ARB2A: variants seen among roughly 807,000 people sequenced by gnomAD.
ARB2A encodes the protein ARB2 cotranscriptional regulator A.
chr5:94,068,128 T>C, the ARB2A span, among the ~76,000 whole-genome samples: 1 of 152,166 alleles, frequency 6.6e-6, no homozygotes, highest in African/African-American at 2.4e-5. Context: ...AGCCTTTTGT[T>C]CTCTGACCTG....
chr5:93,967,485 C>T, the ARB2A span, among the ~76,000 whole-genome samples: 1 of 152,066 alleles, frequency 6.6e-6, no homozygotes, highest in Non-Finnish European at 1.5e-5. Context: ...AATCAGTTTA[C>T]GGGGTACCTC....
chr5:94,042,688 T>C, the ARB2A span, among the ~76,000 whole-genome samples: 3 of 152,196 alleles, frequency 2.0e-5, no homozygotes, highest in Non-Finnish European at 4.4e-5. Flanking sequence ...GCATTAAAAT[T>C]GGGTAGATAT....
the ARB2A span, among the ~76,000 whole-genome samples, chr5:93,974,143 T>C: frequency 2.0e-5 from 3 of 152,168 alleles, no homozygotes; most frequent in Admixed American, 6.5e-5. Context: ...TTCTACTGTC[T>C]TCAAGAGAGC....
At chr5:93,768,470 T>TAG in the ARB2A span, among the ~76,000 whole-genome samples, 2 of 150,140 alleles carry the variant, frequency 1.3e-5, no homozygotes, top group African/African-American at 4.9e-5. Context: ...CCACTATATA[T>TAG]ATATATATAT....
the ARB2A span, among the ~76,000 whole-genome samples, chr5:93,942,828 T>C: frequency 2.0e-5 from 3 of 152,144 alleles, no homozygotes; most frequent in Non-Finnish European, 4.4e-5. Flanking sequence ...TGTGTATCCA[T>C]GTATGTATGT....
At chr5:93,721,908 T>TGTTTCCCTATTAATTTGTGTAA in the ARB2A span, among the ~76,000 whole-genome samples, 1 of 152,330 alleles carries the variant, frequency 6.6e-6, no homozygotes, top group South Asian at 2.1e-4. Flanking sequence ...AATAGAGCAT[T>TGTTTCCCTATTAATTTGTGTAA]GTTTCCCTAT....
At chr5:94,025,435 C>CT in the ARB2A span, among the ~76,000 whole-genome samples, 1 of 152,228 alleles carries the variant, frequency 6.6e-6, no homozygotes, top group African/African-American at 2.4e-5. Flanking sequence ...GTACCCGACC[C>CT]TTTTAACTTC....
chr5:93,900,375 G>A, the ARB2A span, among the ~76,000 whole-genome samples: 1 of 152,072 alleles, frequency 6.6e-6, no homozygotes, highest in African/African-American at 2.4e-5. Flanking sequence ...CACTTTGGGA[G>A]GCTGAGGTGG....
At chr5:94,010,865 T>A in the ARB2A span, among the ~76,000 whole-genome samples, 1 of 152,108 alleles carries the variant, frequency 6.6e-6, no homozygotes, top group Non-Finnish European at 1.5e-5. Context: ...CTAAAAAAGT[T>A]CATAATGGGT....
the ARB2A span, among the ~76,000 whole-genome samples, chr5:93,980,671 A>G: frequency 2.0e-5 from 3 of 152,122 alleles, no homozygotes; most frequent in African/African-American, 7.2e-5. Flanking sequence ...TATTGAGATA[A>G]GTTATCTTCT....
chr5:93,956,851 T>G, the ARB2A span, among the ~76,000 whole-genome samples: 1 of 152,144 alleles, frequency 6.6e-6, no homozygotes, highest in African/African-American at 2.4e-5. Flanking sequence ...AATCACTTTA[T>G]CCAGATTTAA....
At chr5:93,796,172 A>G in the ARB2A span, among the ~76,000 whole-genome samples, 4 of 152,208 alleles carry the variant, frequency 2.6e-5, no homozygotes, top group Admixed American at 1.3e-4. Flanking sequence ...CCTATGATAC[A>G]AAGAAAATAA....
the ARB2A span, among the ~76,000 whole-genome samples, chr5:93,921,133 A>G: frequency 1.3e-5 from 2 of 149,480 alleles, no homozygotes; most frequent in African/African-American, 5.0e-5. Flanking sequence ...TTCAAGATAA[A>G]TGAGTTCAGT....
the ARB2A span, among the ~76,000 whole-genome samples, chr5:94,016,370 C>T: frequency 6.6e-6 from 1 of 152,130 alleles, no homozygotes; most frequent in Non-Finnish European, 1.5e-5. Context: ...GGTTTGAATA[C>T]TGTAGAATAG....
chr5:94,039,812 G>A, the ARB2A span, among the ~76,000 whole-genome samples: 1 of 152,042 alleles, frequency 6.6e-6, no homozygotes, highest in African/African-American at 2.4e-5. Context: ...TTGGGTAAGT[G>A]GTGGGGTCTG....
chr5:93,801,014 C>CA, the ARB2A span, among the ~76,000 whole-genome samples: 3 of 152,098 alleles, frequency 2.0e-5, no homozygotes, highest in Non-Finnish European at 4.4e-5. Flanking sequence ...TAAAAAGGTA[C>CA]AAATTGTTGC....
At chr5:94,108,451 T>C in the ARB2A span, among the ~76,000 whole-genome samples, 1 of 152,042 alleles carries the variant, frequency 6.6e-6, no homozygotes, top group Admixed American at 6.5e-5. Context: ...TTTTTACAAT[T>C]ACAGGATTAA....
chr5:93,864,857 A>G, the ARB2A span, among the ~76,000 whole-genome samples: 2 of 152,144 alleles, frequency 1.3e-5, no homozygotes, highest in Non-Finnish European at 2.9e-5. Flanking sequence ...CTAATATTAG[A>G]GTTGCTTATG....
At chr5:93,711,265 A>G in the ARB2A span, among the ~76,000 whole-genome samples, 1 of 151,258 alleles carries the variant, frequency 6.6e-6, no homozygotes, top group African/African-American at 2.4e-5. Flanking sequence ...CTCAATGACA[A>G]GTTGCCAAGG....
Sources: allele counts gnomAD v4.1 joint callset (sites outside exome capture counted in the v4.1 genomes callset), GRCh38; gene constraint gnomAD v4.1.1; transcripts MANE v1.5; gene names NCBI Gene and HGNC (gene_info 2026-07-23, HGNC 2026-07-21).